The following NRXN3 variants were observed in gnomAD, a reference collection of about 807,000 sequenced individuals.
NRXN3 encodes neurexin 3.
Under a neutral mutation model 137.6 loss-of-function variants are expected in NRXN3, and 32 were observed. The observed-to-expected ratio is 0.23, with a 90% CI of 0.18 to 0.31. The LOEUF is 0.31. Among genes scored for constraint, NRXN3 ranks in the 10% least tolerant of loss-of-function variants. The pLI is 1.00. For missense variants in NRXN3, 1,574 were observed against 2,062.5 expected (o/e 0.76, Z 4.59); for synonymous variants, 798 against 784.5 (o/e 1.02, Z -0.29).
At chr14:78,575,913 G>C (rs1366953527) in intron 4 of NRXN3, among the ~76,000 whole-genome samples, 1 of 152,186 alleles carries the variant, frequency 6.6e-6, no homozygotes, top group Non-Finnish European at 1.5e-5. Flanking sequence ...AATTAACAGT[G>C]ACAGCATACT....
intron 17 of NRXN3, among the ~76,000 whole-genome samples, chr14:79,685,337 A>G (rs1156984208): frequency 6.6e-6 from 1 of 152,212 alleles, no homozygotes; most frequent in East Asian, 1.9e-4. Context: ...GGCTAAAACT[A>G]AGCATGGTTA....
chr14:79,370,323 GT>G (rs71131696), intron 15 of NRXN3, among the ~76,000 whole-genome samples: 11 of 137,478 alleles, frequency 8.0e-5, no homozygotes, highest in East Asian at 6.4e-4. Flanking sequence ...GTTTTTTTTT[GT>G]TTTTTTTTTT....
intron 15 of NRXN3, among the ~76,000 whole-genome samples, chr14:79,126,742 A>G (rs1203523357): frequency 6.6e-6 from 1 of 152,150 alleles, no homozygotes; most frequent in Non-Finnish European, 1.5e-5. Context: ...TCCCTGAGGA[A>G]TCGCCACACT....
chr14:79,002,845 G>A (rs911404304), intron 15 of NRXN3, among the ~76,000 whole-genome samples: 1 of 152,106 alleles, frequency 6.6e-6, no homozygotes, highest in East Asian at 1.9e-4. Flanking sequence ...CAGTGTAAAC[G>A]TGTTCCTGTT....
chr14:79,229,925 T>C (rs4363787), intron 15 of NRXN3, among the ~76,000 whole-genome samples: 41,492 of 151,940 alleles, frequency 0.27, 6,755 homozygotes, highest in Middle Eastern at 0.44. Flanking sequence ...CTATCAGCTC[T>C]CCCAGGAGCT....
At chr14:78,722,209 A>C (rs2098463406) in intron 8 of NRXN3, among the ~76,000 whole-genome samples, 1 of 152,172 alleles carries the variant, frequency 6.6e-6, no homozygotes, top group Admixed American at 6.5e-5. Flanking sequence ...CGACACCTGC[A>C]TTCAACCTGA....
chr14:79,203,344 A>T (rs1347724375), intron 15 of NRXN3, among the ~76,000 whole-genome samples: 1 of 152,226 alleles, frequency 6.6e-6, no homozygotes, highest in Non-Finnish European at 1.5e-5. Context: ...TACACAACAG[A>T]CAAGCAAGAT....
At chr14:78,617,817 G>A (rs898748260) in intron 4 of NRXN3, among the ~76,000 whole-genome samples, 1 of 151,644 alleles carries the variant, frequency 6.6e-6, no homozygotes, top group Non-Finnish European at 1.5e-5. Context: ...ATATTAAAAT[G>A]TATATAAAGT....
At chr14:79,466,819 T>A (rs2096432702) in intron 15 of NRXN3, among the ~76,000 whole-genome samples, 1 of 152,132 alleles carries the variant, frequency 6.6e-6, no homozygotes, top group Non-Finnish European at 1.5e-5. Flanking sequence ...TGCTGATAGA[T>A]AAGAGATAGG....
At chr14:78,926,930 ATATTT>A in intron 10 of NRXN3, among the ~76,000 whole-genome samples, 1 of 34,492 alleles carries the variant, frequency 2.9e-5, no homozygotes, top group Non-Finnish European at 4.1e-5. Context: ...AATATATAAT[ATATTT>A]ATATATATAT....
chr14:78,957,420 G>A, intron 11 of NRXN3, 59 bp downstream of exon 11: 2 of 1,576,122 alleles, frequency 1.3e-6, no homozygotes, highest in Non-Finnish European at 1.7e-6. Context: ...CAGTCACTGA[G>A]TGAGCAAACA....
intron 15 of NRXN3, among the ~76,000 whole-genome samples, chr14:79,295,031 C>T (rs533738193): frequency 6.6e-6 from 1 of 152,112 alleles, no homozygotes; most frequent in Non-Finnish European, 1.5e-5. Context: ...TCTGATCATG[C>T]CGCTCTTCCA....
At chr14:78,770,913 CGTT>C (rs1567263460) in intron 8 of NRXN3, among the ~76,000 whole-genome samples, 2 of 152,102 alleles carry the variant, frequency 1.3e-5, no homozygotes, top group African/African-American at 4.8e-5. Context: ...CTTTAATAAG[CGTT>C]GTAACTTTCT....
chr14:78,860,859 G>C (rs1347317530), intron 10 of NRXN3, among the ~76,000 whole-genome samples: 1 of 152,010 alleles, frequency 6.6e-6, no homozygotes, highest in East Asian at 1.9e-4. Context: ...AAGATATGGA[G>C]GAGGTGGAAG....
chr14:78,605,754 G>A (rs761212700), intron 4 of NRXN3, among the ~76,000 whole-genome samples: 8 of 152,064 alleles, frequency 5.3e-5, no homozygotes, highest in Non-Finnish European at 7.4e-5. Context: ...CATTTTATAC[G>A]TGTTAAATGG....
At chr14:79,530,257 G>A (rs73324271) in intron 16 of NRXN3, among the ~76,000 whole-genome samples, 2,124 of 152,132 alleles carry the variant, frequency 0.014, 49 homozygotes, top group African/African-American at 0.048. Context: ...AAGCAGCAGC[G>A]TGCACATAGT....
At chr14:79,106,754 A>G (rs1483448898) in intron 15 of NRXN3, among the ~76,000 whole-genome samples, 2 of 152,168 alleles carry the variant, frequency 1.3e-5, no homozygotes, top group African/African-American at 2.4e-5. Context: ...CATTCTTTTA[A>G]TAAGATGACT....
At chr14:78,965,194 G>C (rs759709587) in intron 11 of NRXN3, among the ~76,000 whole-genome samples, 2 of 152,084 alleles carry the variant, frequency 1.3e-5, no homozygotes, top group Non-Finnish European at 2.9e-5. Context: ...GAGTGTGGCC[G>C]GGATGGCTTG....
intron 15 of NRXN3, among the ~76,000 whole-genome samples, chr14:79,297,578 A>G (rs2084397101): frequency 6.6e-6 from 1 of 152,160 alleles, no homozygotes; most frequent in Non-Finnish European, 1.5e-5. Flanking sequence ...AAATGAGTTT[A>G]AAAAATATTC....
Sources: allele counts gnomAD v4.1 joint callset (sites outside exome capture counted in the v4.1 genomes callset), GRCh38; gene constraint gnomAD v4.1.1; transcripts MANE v1.5; gene names NCBI Gene and HGNC (gene_info 2026-07-23, HGNC 2026-07-21).